Variants in IQCH observed in about 807,000 individuals in gnomAD.
IQCH encodes the protein IQ domain-containing protein H.
IQCH carries 98 observed loss-of-function variants against 117.0 expected under a neutral mutation model. The ratio of observed to expected loss-of-function variants is 0.84; its 90% CI spans 0.71 to 0.99. IQCH has a LOEUF of 0.99. Among genes scored for constraint, IQCH ranks in the 50% least tolerant of loss-of-function variants. The pLI is 0.00. For synonymous variants in IQCH, 412 were observed against 448.2 expected, an observed-to-expected ratio of 0.92 and a Z score of 1.02; for missense variants, 1,102 against 1,243.8, an observed-to-expected ratio of 0.89 and a Z score of 1.72.
At chr15:67,306,324 A>T (rs772313566) in intron 4 of IQCH, among the ~76,000 whole-genome samples, 1 of 152,134 alleles carries the variant, frequency 6.6e-6, no homozygotes, top group South Asian at 2.1e-4. Flanking sequence ...ACTTACCCAA[A>T]CTAGAGTAAT....
rs1330227275 is a variant in IQCH, at chr15:67,390,852, T to A, written c.1632+1846T>A. Among the ~76,000 whole-genome samples, 2 of 152,178 alleles carry A rather than the reference T, an allele frequency of 1.3e-5. No homozygotes were observed. Among genetic ancestry groups the A allele is most frequent in the African/African-American group, 2.4e-5 (1 of 41,454 alleles). On this transcript the variant is annotated intron_variant, in intron 12 of 20. Coordinates refer to ENST00000335894, the MANE Select transcript of IQCH (RefSeq NM_001031715.3). The surrounding 1 kb of genome is among the most constrained non-coding windows in gnomAD (Gnocchi z 5.0). ...GGAAAGATAGCTCTTTTTACCTATCTCCGTTTATGGCTGAGGAAACCAAGA... is the reference window on the plus strand; with the variant it reads ...GGAAAGATAGCTCTTTTTACCTATCACCGTTTATGGCTGAGGAAACCAAGA...
chr15:67,273,437 T>C (rs1965989444), intron 3 of IQCH, among the ~76,000 whole-genome samples: 1 of 152,204 alleles, frequency 6.6e-6, no homozygotes, highest in Non-Finnish European at 1.5e-5. Flanking sequence ...TGCATTGTGG[T>C]TCCCATGAAG....
chr15:67,346,017 T>C (rs1969371921), intron 6 of IQCH, among the ~76,000 whole-genome samples: 1 of 151,938 alleles, frequency 6.6e-6, no homozygotes, highest in African/African-American at 2.4e-5. Context: ...ATTATAGGAC[T>C]AGACACAAAT....
intron 3 of IQCH, among the ~76,000 whole-genome samples, chr15:67,276,836 C>G (rs993747804): frequency 6.6e-6 from 1 of 151,956 alleles, no homozygotes; most frequent in African/African-American, 2.4e-5. Context: ...GGTCAGTGTT[C>G]TCTGAAATTC....
intron 8 of IQCH, among the ~76,000 whole-genome samples, chr15:67,361,898 C>A (rs965386101): frequency 1.3e-5 from 2 of 152,012 alleles, no homozygotes; most frequent in African/African-American, 2.4e-5. Flanking sequence ...GGAAATAAAT[C>A]TTTTTATTAT....
In IQCH at chr15:67,436,882, A is replaced by G; in HGVS notation, c.2505+15305A>G. Among the ~76,000 whole-genome samples the G allele has an allele frequency of 6.6e-6, 1 of 151,948 alleles. No homozygotes were observed. The highest frequency in any genetic ancestry group is 1.5e-5 in the Non-Finnish European group (1 of 67,948). ...TGGGAACCTCACCCTCATCCCCCAC[A>G]ACAGCTGCAGCAAGATCTGCCCAAG... On this transcript the variant is annotated intron_variant, in intron 16 of 20. Transcript: ENST00000335894. The surrounding 1 kb of genome is among the most constrained non-coding windows in gnomAD (Gnocchi z 5.1).
chr15:67,267,799 G>A (rs1965737320), intron 3 of IQCH, among the ~76,000 whole-genome samples: 1 of 152,140 alleles, frequency 6.6e-6, no homozygotes, highest in South Asian at 2.1e-4. Flanking sequence ...TGGAAACCCA[G>A]GAAATAGAGT....
chr15:67,473,853 T>C lies in IQCH; in HGVS notation c.2677-1843T>C, dbSNP rs1434325949. The stretch of plus-strand genomic sequence containing the variant: ...ATCCCAATGGCTACAAATGGGACGC[T>C]ACAAGTGGGGTAAACAACTCAAGAT... On this transcript the variant is annotated intron_variant, in intron 17 of 20. Transcript: ENST00000335894. This position sits in a 1 kb window ranked among gnomAD's most constrained non-coding sequence, Gnocchi z 4.9. Among the ~76,000 whole-genome samples, 1 of 151,926 alleles carries C rather than the reference T, an allele frequency of 6.6e-6. No individual in the cohort carries two copies. Among genetic ancestry groups the C allele is most frequent in the East Asian group, 1.9e-4 (1 of 5,196 alleles).
At chr15:67,328,000 C>T (rs192689528) in intron 4 of IQCH, among the ~76,000 whole-genome samples, 2 of 152,290 alleles carry the variant, frequency 1.3e-5, no homozygotes, top group East Asian at 3.9e-4. Flanking sequence ...CTCTCATAGT[C>T]TGAGAAGTAC....
intron 4 of IQCH, among the ~76,000 whole-genome samples, chr15:67,325,351 A>C: frequency 6.6e-6 from 1 of 152,258 alleles, no homozygotes; most frequent in Middle Eastern, 3.4e-3. Context: ...TGTATAACAC[A>C]TATATCTAAA....
At chr15:67,435,661 T>C (rs557853473) in intron 16 of IQCH, among the ~76,000 whole-genome samples, 1 of 151,700 alleles carries the variant, frequency 6.6e-6, no homozygotes, top group Admixed American at 6.6e-5. Context: ...TCACTTGAGG[T>C]CAGGAGTTCG....
intron 5 of IQCH, among the ~76,000 whole-genome samples, chr15:67,341,851 C>A (rs576006986): frequency 6.6e-6 from 1 of 152,180 alleles, no homozygotes; most frequent in East Asian, 1.9e-4. Context: ...AGGGAGTGGT[C>A]CTTCCATGTG....
At position 67,254,938 on chromosome 15, in the gene IQCH, C is replaced by T; in HGVS notation, c.42C>T (p.Ile14=). 3.1e-6 allele frequency: 5 copies of T among 1,613,662 alleles called. No individual in the cohort carries two copies. Among genetic ancestry groups the T allele is most frequent in the Non-Finnish European group, 4.2e-6 (5 of 1,179,730 alleles). Residue 14 remains isoleucine, a synonymous_variant, in exon 1 of 21, where the codon ATC becomes ATT. Coordinates refer to ENST00000335894, the MANE Select transcript of IQCH (RefSeq NM_001031715.3). ...NTENHDPVGS[I]LIQIHEDLYQ... ...AAAACCACGACCCTGTCGGATCCATCTTAATCCAGGTGGGAAACGGGCTTC... is the reference window on the plus strand; with the variant it reads ...AAAACCACGACCCTGTCGGATCCATTTTAATCCAGGTGGGAAACGGGCTTC...
chr15:67,354,490 T>G (rs1034893275), intron 6 of IQCH, among the ~76,000 whole-genome samples: 1 of 152,100 alleles, frequency 6.6e-6, no homozygotes, highest in Non-Finnish European at 1.5e-5. Flanking sequence ...GAGCAAAAAA[T>G]ACTCTTAGTA....
rs1248237287 is a variant in IQCH, at chr15:67,457,325, C to T, written c.2506-7802C>T. Among the ~76,000 whole-genome samples the T allele has an allele frequency of 1.3e-5, 2 of 152,224 alleles. No homozygotes were observed. The highest frequency in any genetic ancestry group is 1.3e-4 in the Admixed American group (2 of 15,286). On this transcript the variant is annotated intron_variant, in intron 16 of 20. Transcript: ENST00000335894. The surrounding 1 kb of genome is among the most constrained non-coding windows in gnomAD (Gnocchi z 5.7). ...GTGTGTTGTTTACCACAATGGAGAG[C>T]TCCATGCTGTCTGGAGATTCAGTGA... is the stretch of plus-strand genomic sequence containing the variant.
chr15:67,373,757 A>G, intron 10 of IQCH: 1 of 417,224 alleles, frequency 2.4e-6, no homozygotes, highest in Non-Finnish European at 4.4e-6. Flanking sequence ...TTCTTTAATG[A>G]TAGAAGAACA....
chr15:67,491,271 TGGCTGCATA>T lies in IQCH; in HGVS notation c.2861+1210_2861+1218del, dbSNP rs2083646919. 6.6e-6 allele frequency among the ~76,000 whole-genome samples: 1 copy of T among 151,996 alleles called. No homozygotes were observed. Among genetic ancestry groups the T allele is most frequent in the African/African-American group, 2.4e-5 (1 of 41,392 alleles). Reference sequence around the variant, plus strand: ...CAAAGAGGTGCACACTACAAGCAAATGGCTGCATAGGACAGGCCTCAACTTCCCTATCCA... The same window carrying T: ...CAAAGAGGTGCACACTACAAGCAAATGGACAGGCCTCAACTTCCCTATCCA... On this transcript the variant is annotated intron_variant, in intron 19 of 20. Coordinates refer to ENST00000335894, the MANE Select transcript of IQCH (RefSeq NM_001031715.3). The surrounding 1 kb of genome is among the most constrained non-coding windows in gnomAD (Gnocchi z 4.9).
At chr15:67,480,289 T>C (rs2083309701) in intron 18 of IQCH, among the ~76,000 whole-genome samples, 1 of 152,240 alleles carries the variant, frequency 6.6e-6, no homozygotes, top group African/African-American at 2.4e-5. Flanking sequence ...CATGGCCACA[T>C]AACTTGCTTT....
Position 67,364,585 on chromosome 15 carries a change from A to G in IQCH, c.753+4700A>G, listed in dbSNP as rs989874600. Among the ~76,000 whole-genome samples, 1 of 152,212 alleles carries G rather than the reference A, an allele frequency of 6.6e-6. No homozygotes were observed. Among genetic ancestry groups the G allele is most frequent in the Non-Finnish European group, 1.5e-5 (1 of 68,032 alleles). ...AAAAAGGTTAAATTATCAGCCAACA[A>G]GATAATCTGTATTTTTTCACTTTAT... On this transcript the variant is annotated intron_variant, in intron 8 of 20. Transcript: ENST00000335894. This position sits in a 1 kb window ranked among gnomAD's most constrained non-coding sequence, Gnocchi z 4.1.
Sources: gnomAD v4.1 joint callset for allele counts (sites outside exome capture counted in the v4.1 genomes callset) on GRCh38, gnomAD v4.1.1 for gene constraint, Gnocchi (gnomAD v3.1) non-coding constraint, MANE v1.5 for transcripts, NCBI Gene and HGNC (gene_info 2026-07-23, HGNC 2026-07-21) for gene names.